Variants in GUCY2F observed in about 807,000 individuals in gnomAD.
GUCY2F encodes guanylate cyclase 2F, retinal, also known as retinal guanylyl cyclase 2.
A neutral mutation model predicts 73.1 loss-of-function variants in GUCY2F; 61 were observed. The observed-to-expected ratio is 0.83, with a 90% CI of 0.68 to 1.03. The LOEUF (loss-of-function observed/expected upper bound fraction) is 1.03. GUCY2F is among the 50% of genes least tolerant of loss of function. GUCY2F has a pLI of 0.00. For missense variants in GUCY2F, 912 were observed against 854.3 expected (o/e 1.07, Z -0.84); for synonymous variants, 331 against 307.8 (o/e 1.08, Z -0.79).
intron 3 of GUCY2F, among the ~76,000 whole-genome samples, chrX:109,455,530 C>T (rs918485094): frequency 4.5e-5 from 5 of 111,454 alleles, no homozygotes; most frequent in Non-Finnish European, 7.5e-5. Flanking sequence ...AATATATGTC[C>T]CCTGTGGTCC....
chrX:109,457,340 A>G (rs1486823824), intron 3 of GUCY2F, among the ~76,000 whole-genome samples: 1 of 111,824 alleles, frequency 8.9e-6, no homozygotes, highest in Admixed American at 9.5e-5. Context: ...CCGCCTTCCA[A>G]AGAATTTTAT....
chrX:109,410,035 C>A (rs1401406956), intron 8 of GUCY2F, among the ~76,000 whole-genome samples: 1 of 111,435 alleles, frequency 9.0e-6, no homozygotes, highest in Admixed American at 9.5e-5. Context: ...CACAGGTCTC[C>A]AGATAAGAGC....
intron 9 of GUCY2F, among the ~76,000 whole-genome samples, chrX:109,404,894 T>G (rs1930938698): frequency 8.9e-6 from 1 of 112,371 alleles, no homozygotes; most frequent in African/African-American, 3.2e-5. Context: ...CTATCAAAAT[T>G]TAAACTATGT....
intron 5 of GUCY2F, among the ~76,000 whole-genome samples, chrX:109,449,231 T>G (rs1484125929): frequency 8.9e-6 from 1 of 112,328 alleles, no homozygotes; most frequent in Non-Finnish European, 1.9e-5. Flanking sequence ...CACTGCAGCT[T>G]TAAGTATCAG....
chrX:109,438,231 C>T (rs1289347467), intron 7 of GUCY2F, among the ~76,000 whole-genome samples: 1 of 112,240 alleles, frequency 8.9e-6, no homozygotes, highest in Non-Finnish European at 1.9e-5. Flanking sequence ...CAAGATGATG[C>T]CTTGTTGCTG....
chrX:109,472,977 C>T (rs773779899), intron 2 of GUCY2F, among the ~76,000 whole-genome samples: 3 of 111,384 alleles, frequency 2.7e-5, no homozygotes, highest in African/African-American at 9.8e-5. Context: ...GTATTACACA[C>T]TCCTTTGAAC....
At position 109,437,404 on chromosome X, in the gene GUCY2F, G is replaced by T. The variant is rs145850946; in HGVS notation, c.1701+3947C>A. 2.1e-3 allele frequency among the ~76,000 whole-genome samples: 234 copies of T among 112,707 alleles called. 1 individual carries two copies. Among genetic ancestry groups the T allele is most frequent in the African/African-American group, 7.2e-3 (223 of 31,089 alleles). On this transcript the variant is annotated intron_variant, in intron 7 of 19. Transcript: ENST00000218006. ...TCTGCCTCCTTCCAAAATGTGAAAAGATCTGACAGACTCTTAAAGGCCAGT... is the reference window on the plus strand; with the variant it reads ...TCTGCCTCCTTCCAAAATGTGAAAATATCTGACAGACTCTTAAAGGCCAGT...
chrX:109,475,824 A>C lies in GUCY2F; in HGVS notation c.113T>G (p.Leu38Arg). The C allele has an allele frequency of 8.3e-7, 1 of 1,211,231 alleles. No homozygotes were observed. The highest frequency in any genetic ancestry group is 1.1e-6 in the Non-Finnish European group (1 of 895,356). Residue 38 changes from leucine (L) to arginine (R), a missense_variant, in exon 2 of 20, where the codon CTT becomes CGT. Coordinates refer to ENST00000218006, the MANE Select transcript of GUCY2F (RefSeq NM_001522.3). Reference protein sequence around the residue: ...ASAKFLWCLCLLSVMSLPQQV... With the variant: ...ASAKFLWCLCRLSVMSLPQQV... The stretch of plus-strand genomic sequence containing the variant: ...CTGCGGAAGGGACATGACAGACAGA[A>C]GGCACAAGCACCACAGGAACTTGGC...
chrX:109,412,096 T>C (rs1931124863), intron 8 of GUCY2F, among the ~76,000 whole-genome samples: 1 of 111,846 alleles, frequency 8.9e-6, no homozygotes, highest in African/African-American at 3.3e-5. Flanking sequence ...TTATTAATTA[T>C]AGAAACTTAC....
intron 10 of GUCY2F, among the ~76,000 whole-genome samples, chrX:109,400,230 G>A (rs1435668187): frequency 9.1e-6 from 1 of 110,010 alleles, no homozygotes; most frequent in African/African-American, 3.3e-5. Flanking sequence ...GGTGGGGGTA[G>A]TAGCAGCAAC....
At chrX:109,382,854 C>T (rs1437737351) in intron 16 of GUCY2F, among the ~76,000 whole-genome samples, 3 of 111,469 alleles carry the variant, frequency 2.7e-5, no homozygotes, top group African/African-American at 6.5e-5. Flanking sequence ...GGAACTGCCA[C>T]GTTAAAATTT....
At position 109,393,026 on chromosome X, in the gene GUCY2F, G is replaced by T. The variant is rs755978874; in HGVS notation, c.2454C>A (p.Thr818=). 1.3e-4 allele frequency: 139 copies of T among 1,104,662 alleles called. No homozygotes were observed. Among genetic ancestry groups the T allele is most frequent in the Non-Finnish European group, 1.5e-4 (119 of 803,785 alleles). The allele number at this position is 1,104,662 out of a possible 1,213,427, so 91.0% of individuals were successfully genotyped here. A position where few individuals can be genotyped will look rare whatever the true frequency, so the allele number is the denominator to read the frequency against. ...QFKTFNKGKK[T]NIIDSMLRML... is the part of the protein sequence containing the mutation. ...TCCGAAGCATAGAATCAATAATATT[G>T]GTCTTCTTCCCTTTATTAAAAGTTT... Residue 818 remains threonine, a synonymous_variant, in exon 13 of 20, where the codon ACC becomes ACA. Transcript: ENST00000218006.
chrX:109,455,703 T>C (rs1216329315), intron 3 of GUCY2F, among the ~76,000 whole-genome samples: 1 of 111,552 alleles, frequency 9.0e-6, no homozygotes, highest in African/African-American at 3.3e-5. Flanking sequence ...TCCTCTTCTC[T>C]GTCCACACTA....
rs1603379540 is a variant in GUCY2F, at chrX:109,393,195, T to C, written c.2425-140A>G. ...TGAACCCAGATATAAATAGGAAAAG[T>C]CACCACCCATCCTCACTGTCACCCT... On this transcript the variant is annotated intron_variant, in intron 12 of 19. Transcript: ENST00000218006. 3 of 441,007 alleles carry C rather than the reference T, an allele frequency of 6.8e-6. No homozygotes were observed. The East Asian group carries it at 1.1e-4, about 16-fold the overall frequency. 36.3% of individuals were successfully genotyped at this position (441,007 alleles called of 1,213,427 possible).
intron 2 of GUCY2F, 34 bp from the exon 3 acceptor site, chrX:109,465,477 A>C (rs761776606): frequency 1.9e-6 from 2 of 1,049,891 alleles, no homozygotes; most frequent in Non-Finnish European, 2.6e-6. Flanking sequence ...TTATGGAAGC[A>C]AACTGTTAGT....
At chrX:109,399,438 T>G in intron 10 of GUCY2F, among the ~76,000 whole-genome samples, 1 of 112,638 alleles carries the variant, frequency 8.9e-6, no homozygotes, top group East Asian at 2.8e-4. Flanking sequence ...CATTGTGTGC[T>G]CTGCTGCATT....
intron 10 of GUCY2F, among the ~76,000 whole-genome samples, chrX:109,399,747 A>C (rs1042050363): frequency 1.8e-5 from 2 of 110,908 alleles, no homozygotes; most frequent in African/African-American, 3.3e-5. Context: ...TTAAATTTTA[A>C]ATGTGCTTGT....
At chrX:109,433,685 C>T (rs1931666921) in intron 7 of GUCY2F, among the ~76,000 whole-genome samples, 1 of 111,959 alleles carries the variant, frequency 8.9e-6, no homozygotes, top group South Asian at 3.7e-4. Context: ...ATACTTCACT[C>T]ATCACTCACT....
intron 2 of GUCY2F, among the ~76,000 whole-genome samples, chrX:109,474,744 T>C (rs1932648656): frequency 8.9e-6 from 1 of 111,875 alleles, no homozygotes; most frequent in Non-Finnish European, 1.9e-5. Context: ...TCTAAGTAAG[T>C]GTCCCACAAG....
Sources: allele counts gnomAD v4.1 joint callset (sites outside exome capture counted in the v4.1 genomes callset), GRCh38; gene constraint gnomAD v4.1.1; transcripts MANE v1.5; gene names NCBI Gene and HGNC (gene_info 2026-07-23, HGNC 2026-07-21).